Variants in PDE1A observed in about 807,000 individuals in gnomAD.
The protein encoded by PDE1A is phosphodiesterase 1A.
In PDE1A, 35 loss-of-function variants were observed where a neutral mutation model predicts 61.7. That is an observed-to-expected ratio of 0.57 (90% CI 0.43 to 0.75). The LOEUF (loss-of-function observed/expected upper bound fraction) is 0.75, where lower values mean the gene tolerates loss of function less well. PDE1A is among the 30% of genes least tolerant of loss of function. The probability of loss-of-function intolerance (pLI) is 0.00; values close to 1 mark genes in which losing one functional copy is unlikely to be tolerated. For synonymous variants in PDE1A, 232 were observed against 213.2 expected (o/e 1.09, Z -0.77); for missense variants, 597 against 630.6 (o/e 0.95, Z 0.57).
the PDE1A span, among the ~76,000 whole-genome samples, chr2:182,704,201 A>T: frequency 7.7e-6 from 1 of 130,180 alleles, no homozygotes; most frequent in East Asian, 2.3e-4. Context: ...AGAGAGAGAC[A>T]CTCCGTCTGG....
At chr2:182,651,288 TGAGCCACC>T in the PDE1A span, among the ~76,000 whole-genome samples, 5 of 152,220 alleles carry the variant, frequency 3.3e-5, no homozygotes. Flanking sequence ...ATTACAGGTA[TGAGCCACC>T]ACACCTGGCC....
chr2:182,251,264 T>C (rs1479074974), intron 2 of PDE1A, among the ~76,000 whole-genome samples: 1 of 152,162 alleles, frequency 6.6e-6, no homozygotes, highest in African/African-American at 2.4e-5. Context: ...TTAGTTCCTT[T>C]ATCAGTACAA....
chr2:182,625,591 A>G, the PDE1A span, among the ~76,000 whole-genome samples: 1 of 152,218 alleles, frequency 6.6e-6, no homozygotes, highest in Non-Finnish European at 1.5e-5. Context: ...TCTTGGCTGA[A>G]TGGATGGATA....
the PDE1A span, among the ~76,000 whole-genome samples, chr2:182,659,120 A>G: frequency 6.6e-6 from 1 of 152,150 alleles, no homozygotes; most frequent in Admixed American, 6.5e-5. Context: ...CCATCTCTCT[A>G]TTTGTAAGTT....
chr2:182,695,613 G>A, the PDE1A span, among the ~76,000 whole-genome samples: 1 of 144,240 alleles, frequency 6.9e-6, no homozygotes, highest in Admixed American at 7.1e-5. Flanking sequence ...CTTGCAGTGA[G>A]CCGAGATCGC....
the PDE1A span, among the ~76,000 whole-genome samples, chr2:182,577,630 A>C: frequency 6.6e-6 from 1 of 152,244 alleles, no homozygotes; most frequent in South Asian, 2.1e-4. Context: ...GTGTGAGATC[A>C]CCTCTAAAAT....
intron 1 of PDE1A, among the ~76,000 whole-genome samples, chr2:182,300,384 T>C (rs981802363): frequency 3.3e-5 from 5 of 152,172 alleles, no homozygotes; most frequent in African/African-American, 1.2e-4. Flanking sequence ...CTTGGTTCAT[T>C]GATAGGCCAT....
the PDE1A span, among the ~76,000 whole-genome samples, chr2:182,701,282 G>A: frequency 5.9e-5 from 9 of 151,972 alleles, no homozygotes; most frequent in South Asian, 2.1e-4. Flanking sequence ...TGATCCGCCC[G>A]CCTTGGCCTC....
the PDE1A span, among the ~76,000 whole-genome samples, chr2:182,594,493 C>CT: frequency 2.0e-5 from 3 of 152,216 alleles, no homozygotes; most frequent in Admixed American, 6.5e-5. Context: ...TAAGAAACCT[C>CT]TAAGTTGCAA....
chr2:182,291,781 G>A (rs919665266), intron 1 of PDE1A, among the ~76,000 whole-genome samples: 8 of 152,110 alleles, frequency 5.3e-5, no homozygotes, highest in East Asian at 3.9e-4. Context: ...GGGGTCTGCC[G>A]AAAGGGCATT....
chr2:182,583,523 A>G, the PDE1A span, among the ~76,000 whole-genome samples: 1 of 152,306 alleles, frequency 6.6e-6, no homozygotes, highest in African/African-American at 2.4e-5. Context: ...TCATGAAGAT[A>G]TGGAAAGTTT....
the PDE1A span, among the ~76,000 whole-genome samples, chr2:182,564,286 A>T: frequency 1.3e-5 from 2 of 152,018 alleles, no homozygotes; most frequent in Admixed American, 6.6e-5. Context: ...CTTGTCTGTA[A>T]AGTATTTTAT....
At chr2:182,418,194 T>A (rs573438541) in intron 1 of PDE1A, among the ~76,000 whole-genome samples, 277 of 152,280 alleles carry the variant, frequency 1.8e-3, no homozygotes, top group African/African-American at 6.4e-3. Context: ...TTGCCCAAAA[T>A]TATGTAATTA....
intron 2 of PDE1A, among the ~76,000 whole-genome samples, chr2:182,471,412 A>G (rs1336394156): frequency 6.6e-6 from 1 of 151,748 alleles, no homozygotes; most frequent in Non-Finnish European, 1.5e-5. Flanking sequence ...AAGAAGCCCA[A>G]TTATAATAAA....
At chr2:182,681,168 T>G in the PDE1A span, among the ~76,000 whole-genome samples, 1 of 151,844 alleles carries the variant, frequency 6.6e-6, no homozygotes, top group African/African-American at 2.4e-5. Context: ...TTTTTTTTTT[T>G]TTGTGCCTTT....
At chr2:182,172,073 G>A (rs1444730946) in intron 13 of PDE1A, among the ~76,000 whole-genome samples, 1 of 152,050 alleles carries the variant, frequency 6.6e-6, no homozygotes, top group African/African-American at 2.4e-5. Flanking sequence ...AAACTTTTGG[G>A]GAACAACCCT....
chr2:182,242,698 C>T (rs1690614930), intron 2 of PDE1A, among the ~76,000 whole-genome samples: 1 of 152,134 alleles, frequency 6.6e-6, no homozygotes. Flanking sequence ...AGATTAAGGT[C>T]CCCCAAAGAG....
At chr2:182,518,972 G>A (rs2125984707) in intron 2 of PDE1A, among the ~76,000 whole-genome samples, 1 of 151,736 alleles carries the variant, frequency 6.6e-6, no homozygotes, top group Middle Eastern at 3.4e-3. Context: ...GGAACTCTTT[G>A]TATGTTTAGA....
At chr2:182,540,366 GAA>G in the PDE1A span, among the ~76,000 whole-genome samples, 610 of 108,370 alleles carry the variant, frequency 5.6e-3, 3 homozygotes, top group African/African-American at 0.021. Context: ...CTGTCTCAAA[GAA>G]AAAAAAAAAA....
Sources: gnomAD v4.1 joint callset for allele counts (sites outside exome capture counted in the v4.1 genomes callset) on GRCh38, gnomAD v4.1.1 for gene constraint, MANE v1.5 for transcripts, NCBI Gene and HGNC (gene_info 2026-07-23, HGNC 2026-07-21) for gene names.